Variants in LMO7 observed in about 807,000 individuals in gnomAD.
The protein encoded by LMO7 is LIM domain only protein 7.
LMO7 carries 120 observed loss-of-function variants against 206.5 expected under a neutral mutation model. The observed-to-expected ratio is 0.58, with a 90% CI of 0.50 to 0.68. The LOEUF is 0.68. Ranked by LOEUF, LMO7 falls within the 30% of genes least tolerant of loss-of-function variation. The pLI is 0.00. For synonymous variants in LMO7, 706 were observed against 681.5 expected, an observed-to-expected ratio of 1.04 and a Z score of -0.56; for missense variants, 1,959 against 1,957.9, an observed-to-expected ratio of 1.00 and a Z score of -0.01.
rs767547126 is a variant in LMO7, at chr13:75,800,712, GA to G, written c.493del (p.Ser165ValfsTer42). 21 of 1,614,004 alleles carry G rather than the reference GA, an allele frequency of 1.3e-5. No homozygotes were observed. Among genetic ancestry groups the G allele is most frequent in the Non-Finnish European group, 1.7e-5 (20 of 1,179,990 alleles). ...CTCGAAGACTCCAGCTTCCTGAAAA[GA>G]AGTGGCAGGGACAGTGGCTACGGTG... ...KALEDSSFLK[R>X]SGRDSGYGDI... On this transcript the variant is annotated frameshift_variant, in exon 7 of 31. Coordinates refer to ENST00000377534, the MANE Select transcript of LMO7 (RefSeq NM_001306080.2). LOFTEE classifies it high-confidence loss of function.
At chr13:75,694,214 A>T (rs2041727023) in intron 1 of LMO7, among the ~76,000 whole-genome samples, 6 of 152,198 alleles carry the variant, frequency 3.9e-5, no homozygotes, top group Non-Finnish European at 8.8e-5. Flanking sequence ...AATCCGTGTC[A>T]CAGAAGTTAT....
At chr13:75,655,637 T>A (rs1350767892) in intron 1 of LMO7, among the ~76,000 whole-genome samples, 2 of 134,720 alleles carry the variant, frequency 1.5e-5, no homozygotes, top group Middle Eastern at 3.5e-3. Context: ...TTCATGGATT[T>A]TATATATATA....
chr13:75,695,186 CAG>C (rs1251931927), intron 1 of LMO7, among the ~76,000 whole-genome samples: 3 of 152,304 alleles, frequency 2.0e-5, no homozygotes, highest in African/African-American at 7.2e-5. Context: ...TCATAAGCCT[CAG>C]AGAACCCAGC....
chr13:75,693,164 T>C (rs2041628196), intron 1 of LMO7, among the ~76,000 whole-genome samples: 1 of 152,208 alleles, frequency 6.6e-6, no homozygotes, highest in Non-Finnish European at 1.5e-5. Context: ...GTTAATACAA[T>C]GGCCTGGAAT....
Position 75,821,232 on chromosome 13 carries a change from G to A in LMO7, c.2263G>A (p.Asp755Asn), listed in dbSNP as rs370670178. Residue 755 changes from aspartate (D) to asparagine (N), a missense_variant, in exon 14 of 31, where the codon GAT becomes AAT. Asp to Asn is a conservative substitution (Grantham distance 23). Coordinates refer to ENST00000377534, the MANE Select transcript of LMO7 (RefSeq NM_001306080.2). ...GTCAAGAAGGAGAATGTATTCTTTTGATGATGTGCTGGAGGAAGGAAAGCG... is the reference window on the plus strand; with the variant it reads ...GTCAAGAAGGAGAATGTATTCTTTTAATGATGTGCTGGAGGAAGGAAAGCG... Reference protein sequence around the residue: ...VPSRRRMYSFDDVLEEGKRPP... With the variant: ...VPSRRRMYSFNDVLEEGKRPP... The A allele has an allele frequency of 1.0e-4, 163 of 1,613,336 alleles. 3 individuals carry two copies. The South Asian group carries it at 1.6e-3, about 16-fold the overall frequency.
At chr13:75,704,697 G>T (rs2042526179) in intron 1 of LMO7, among the ~76,000 whole-genome samples, 1 of 152,142 alleles carries the variant, frequency 6.6e-6, no homozygotes, top group Non-Finnish European at 1.5e-5. Flanking sequence ...GGTATGAAGT[G>T]GTCTTCAAGA....
At position 75,805,683 on chromosome 13, in the gene LMO7, G is replaced by C. The variant is rs1444898661; in HGVS notation, c.1119G>C (p.Trp373Cys). Residue 373 changes from tryptophan (W) to cysteine (C), a missense_variant, in exon 9 of 31, where the codon TGG (tryptophan) becomes TGC (cysteine). Trp to Cys is a radical substitution (Grantham distance 215, BLOSUM62 -2). Coordinates refer to ENST00000377534, the MANE Select transcript of LMO7 (RefSeq NM_001306080.2). ...NAFDQFLPKC[W>C]TPEDVNWKRI... The stretch of plus-strand genomic sequence containing the variant: ...TTGATCAGTTTCTTCCCAAATGTTG[G>C]ACCCCAGAAGATGTGAACTGGAAAA... The C allele has an allele frequency of 6.2e-7, 1 of 1,613,902 alleles. No individual in the cohort carries two copies. Among genetic ancestry groups the C allele is most frequent in the African/African-American group, 1.3e-5 (1 of 74,940 alleles).
chr13:75,694,644 T>C (rs975440051), intron 1 of LMO7, among the ~76,000 whole-genome samples: 1 of 152,120 alleles, frequency 6.6e-6, no homozygotes, highest in Non-Finnish European at 1.5e-5. Flanking sequence ...ATGTTGAGTC[T>C]GGGACGTTGG....
At chr13:75,667,742 T>C (rs1443358337) in intron 1 of LMO7, among the ~76,000 whole-genome samples, 2 of 152,224 alleles carry the variant, frequency 1.3e-5, no homozygotes, top group Non-Finnish European at 2.9e-5. Flanking sequence ...TTAGGATCAC[T>C]GGAACATCTT....
Position 75,834,383 on chromosome 13 carries a change from G to A in LMO7, c.3222G>A (p.Lys1074=), listed in dbSNP as rs2058943473. 1 of 1,590,648 alleles carries A rather than the reference G, an allele frequency of 6.3e-7. No individual in the cohort carries two copies. Among genetic ancestry groups the A allele is most frequent in the East Asian group, 2.3e-5 (1 of 43,716 alleles). The change falls in exon 17 of 31, where the codon AAG becomes AAA. Residue 1074 remains lysine (K), a synonymous_variant. Transcript: ENST00000377534. ...HLVMDVRRYG[K]AGSPETKWID... ...TGATGGATGTGAGGCGCTATGGAAA[G>A]GCTGGTGAGTTTGTGTTACCACCAT...
At chr13:75,654,032 T>G (rs1265337076) in intron 1 of LMO7, among the ~76,000 whole-genome samples, 2 of 152,274 alleles carry the variant, frequency 1.3e-5, no homozygotes, top group East Asian at 3.9e-4. Context: ...TTATTTCATA[T>G]AAAAAAGTAC....
At chr13:75,849,519 G>C (rs1204072937) in intron 27 of LMO7, among the ~76,000 whole-genome samples, 1 of 150,688 alleles carries the variant, frequency 6.6e-6, no homozygotes, top group Non-Finnish European at 1.5e-5. Flanking sequence ...TTACTATGAG[G>C]GAACTTTGAC....
intron 2 of LMO7, among the ~76,000 whole-genome samples, chr13:75,720,535 G>A (rs899187947): frequency 6.6e-6 from 1 of 152,248 alleles, no homozygotes; most frequent in East Asian, 1.9e-4. Flanking sequence ...GTGTCTAAAT[G>A]CCGTTTGCCT....
chr13:75,695,025 C>T (rs918444629), intron 1 of LMO7, among the ~76,000 whole-genome samples: 2 of 152,174 alleles, frequency 1.3e-5, no homozygotes, highest in South Asian at 2.1e-4. Context: ...CACTCCGACA[C>T]ACCCCATGGC....
At chr13:75,621,267 T>G (rs9565177) in exon 1 of LMO7, 28,920 of 152,196 alleles carry the variant, frequency 0.19, 3,379 homozygotes, top group Admixed American at 0.29. Context: ...AGATTGCATT[T>G]TGTTTCCATG....
At chr13:75,680,223 T>C (rs1022147960) in intron 1 of LMO7, among the ~76,000 whole-genome samples, 10 of 152,356 alleles carry the variant, frequency 6.6e-5, no homozygotes, top group Admixed American at 2.6e-4. Flanking sequence ...GCAAAGGGCA[T>C]GATCTCGTTC....
chr13:75,736,460 A>T (rs2045829407), intron 3 of LMO7, among the ~76,000 whole-genome samples: 1 of 152,262 alleles, frequency 6.6e-6, no homozygotes, highest in Admixed American at 6.5e-5. Flanking sequence ...CTAAAAGGAT[A>T]ATATACAGAT....
chr13:75,620,591 ATAATCT>A (rs879877208), exon 1 of LMO7: 3 of 152,156 alleles, frequency 2.0e-5, no homozygotes, highest in Admixed American at 1.3e-4. Flanking sequence ...AAGCACTCAG[ATAATCT>A]TAAGGCTGTT....
chr13:75,655,594 C>T (rs2037982646), intron 1 of LMO7, among the ~76,000 whole-genome samples: 1 of 142,030 alleles, frequency 7.0e-6, no homozygotes, highest in African/African-American at 2.6e-5. Flanking sequence ...GTTGGTAGTG[C>T]TGATGCTTCA....
Sources: gnomAD v4.1 joint callset for allele counts (sites outside exome capture counted in the v4.1 genomes callset) on GRCh38, gnomAD v4.1.1 for gene constraint, MANE v1.5 for transcripts, NCBI Gene and HGNC (gene_info 2026-07-23, HGNC 2026-07-21) for gene names.